Variants in NIPBL observed in about 807,000 individuals in gnomAD.
The protein encoded by NIPBL is nipped-B-like protein.
Under a neutral mutation model 321.8 loss-of-function variants are expected in NIPBL, and 19 were observed. The observed-to-expected ratio is 0.06, with a 90% CI of 0.04 to 0.09. NIPBL has a LOEUF of 0.09. NIPBL is among the 10% of genes least tolerant of loss of function. The pLI is 1.00. For synonymous variants in NIPBL, 1,106 were observed against 1,114.1 expected (o/e 0.99, Z 0.14); for missense variants, 2,210 against 3,327.0 (o/e 0.66, Z 8.26).
At chr5:37,000,020 A>G (rs1157683993) in intron 11 of NIPBL, among the ~76,000 whole-genome samples, 1 of 152,160 alleles carries the variant, frequency 6.6e-6, no homozygotes, top group Non-Finnish European at 1.5e-5. Flanking sequence ...TCCTAAATAT[A>G]GTTTGTTTTA....
chr5:37,064,869 G>A lies in NIPBL; in HGVS notation c.8392G>A (p.Ala2798Thr), dbSNP rs1029099152. ...TCAGACTTTACGATCCCTGTATGCC[G>A]CCAAGGATGGGACTTCCAGCTAATG... ...VVQTLRSLYA[A>T]KDGTSS Residue 2798 changes from alanine (A) to threonine (T), a missense_variant, in exon 47 of 47, where the codon GCC becomes ACC. Around this residue, in one of 14 missense-constraint regions of NIPBL, gnomAD observed 159 missense variants for 319.2 expected, o/e 0.50. Transcript: ENST00000282516. 20 of 1,613,988 alleles carry A rather than the reference G, an allele frequency of 1.2e-5. No individual in the cohort carries two copies. Among genetic ancestry groups the A allele is most frequent in the African/African-American group, 9.3e-5 (7 of 74,908 alleles).
chr5:37,019,635 T>G (rs913832171), intron 25 of NIPBL, among the ~76,000 whole-genome samples: 1 of 152,204 alleles, frequency 6.6e-6, no homozygotes, highest in Non-Finnish European at 1.5e-5. Flanking sequence ...AAGAGAAATA[T>G]TTGGAAGTCT....
rs748215385 is a variant in NIPBL, at chr5:36,975,865, G to A, written c.958G>A (p.Glu320Lys). 6.2e-7 allele frequency: 1 copy of A among 1,611,928 alleles called. No individual in the cohort carries two copies. The highest frequency in any genetic ancestry group is 8.5e-7 in the Non-Finnish European group (1 of 1,179,362). ...ACCAGATATCTTGCTAGATTCTCCA[G>A]AAAGAAAACAAAAGAAGCAGAAGAA... The part of the protein sequence containing the change: ...VPPDILLDSP[E>K]RKQKKQKKMK... Residue 320 changes from glutamate (E) to lysine (K), a missense_variant, in exon 9 of 47, where the codon GAA (glutamate) becomes AAA (lysine). By Grantham distance (56) the Glu-to-Lys change is moderately conservative (BLOSUM62 1). Transcript: ENST00000282516.
intron 1 of NIPBL, among the ~76,000 whole-genome samples, chr5:36,923,716 TA>T (rs1216794668): frequency 6.6e-6 from 1 of 152,192 alleles, no homozygotes; most frequent in Non-Finnish European, 1.5e-5. Flanking sequence ...CTGTATTAGA[TA>T]CCAACTGATT....
intron 22 of NIPBL, among the ~76,000 whole-genome samples, chr5:37,015,696 A>G (rs1217293760): frequency 6.6e-6 from 1 of 152,082 alleles, no homozygotes; most frequent in African/African-American, 2.4e-5. Flanking sequence ...ATGCCACTGC[A>G]CTCCAGCCTG....
At chr5:36,960,794 A>G (rs1023641413) in intron 4 of NIPBL, among the ~76,000 whole-genome samples, 3 of 152,178 alleles carry the variant, frequency 2.0e-5, no homozygotes, top group African/African-American at 7.2e-5. Context: ...CTCCCATATA[A>G]TGAAATGTCA....
At chr5:36,926,405 G>A (rs1456789063) in intron 1 of NIPBL, among the ~76,000 whole-genome samples, 1 of 152,152 alleles carries the variant, frequency 6.6e-6, no homozygotes, top group Non-Finnish European at 1.5e-5. Flanking sequence ...GTTCCAGATG[G>A]CTTTACCCAT....
intron 31 of NIPBL, 39 bp from the exon 32 acceptor site, chr5:37,027,320 A>G (rs1750398456): frequency 5.5e-6 from 8 of 1,442,526 alleles, no homozygotes; most frequent in Non-Finnish European, 5.9e-6. Flanking sequence ...TCACATTTAT[A>G]AATATACTTC....
At chr5:37,034,002 CAATT>C (rs1354346080) in intron 32 of NIPBL, among the ~76,000 whole-genome samples, 1 of 151,744 alleles carries the variant, frequency 6.6e-6, no homozygotes, top group African/African-American at 2.4e-5. Flanking sequence ...ATATAACCAA[CAATT>C]AATACCGAGA....
intron 46 of NIPBL, 37 bp downstream of exon 46, chr5:37,064,015 A>C (rs780910304): frequency 1.2e-6 from 2 of 1,606,656 alleles, no homozygotes; most frequent in Admixed American, 3.4e-5. Flanking sequence ...TTCGCAGCGT[A>C]TTACGTAAAA....
At chr5:37,052,020 C>T in intron 41 of NIPBL, 134 bp downstream of exon 41, 2 of 737,678 alleles carry the variant, frequency 2.7e-6, no homozygotes, top group Middle Eastern at 3.9e-4. Context: ...AAACATGCAA[C>T]TAAGTTAGTC....
intron 25 of NIPBL, among the ~76,000 whole-genome samples, chr5:37,020,003 G>A (rs1246389357): frequency 2.0e-5 from 3 of 152,132 alleles, no homozygotes; most frequent in East Asian, 3.9e-4. Context: ...AGATTTACAG[G>A]TGTGTCTCAG....
chr5:37,008,977 T>C (rs952755985), intron 20 of NIPBL, among the ~76,000 whole-genome samples: 1 of 152,190 alleles, frequency 6.6e-6, no homozygotes, highest in African/African-American at 2.4e-5. Context: ...TTTTAGGCCA[T>C]ATAACACTTT....
At position 36,984,609 on chromosome 5, in the gene NIPBL, A is replaced by G. The variant is rs1292982122; in HGVS notation, c.1496-67A>G. The G allele has an allele frequency of 7.1e-6, 10 of 1,414,126 alleles. No individual in the cohort carries two copies. In the Admixed American group the frequency reaches 8.6e-5, roughly 12 times the overall value. 87.6% of individuals were successfully genotyped at this position (1,414,126 alleles called of 1,614,324 possible). On this transcript the variant is annotated intron_variant, in intron 9 of 46. Transcript: ENST00000282516. ...AACCTTAAAAAGATAAACAACGTCC[A>G]TAGGGTTTTTAATAAGATAAGAATA...
Position 37,019,331 on chromosome 5 carries a change from A to G in NIPBL, c.4941A>G (p.Glu1647=), listed in dbSNP as rs1489203615. 6.2e-7 allele frequency: 1 copy of G among 1,612,186 alleles called. No individual in the cohort carries two copies. The highest frequency in any genetic ancestry group is 8.5e-7 in the Non-Finnish European group (1 of 1,178,564). The change falls in exon 25 of 47, where the codon GAA becomes GAG. Residue 1647 remains glutamate (E), a synonymous_variant. Coordinates refer to ENST00000282516, the MANE Select transcript of NIPBL (RefSeq NM_133433.4). ...TATAGGTTTCAGGAGGGGAAGATGAAATCCAACAATTACAAAAAGCATTGC... is the reference window on the plus strand; with the variant it reads ...TATAGGTTTCAGGAGGGGAAGATGAGATCCAACAATTACAAAAAGCATTGC... ...ILKQVSGGED[E]IQQLQKALLD...
At chr5:36,883,605 G>T (rs150501) in intron 1 of NIPBL, among the ~76,000 whole-genome samples, 4,681 of 151,924 alleles carry the variant, frequency 0.031, 232 homozygotes, top group African/African-American at 0.11. Context: ...CTTTATGATT[G>T]ATATTTATGA....
intron 1 of NIPBL, among the ~76,000 whole-genome samples, chr5:36,952,671 GATAA>G (rs774243086): frequency 8.5e-5 from 13 of 152,150 alleles, no homozygotes; most frequent in Non-Finnish European, 1.6e-4. Flanking sequence ...ATTCCATCAT[GATAA>G]ATACTGAACA....
chr5:36,988,079 T>C (rs1369253305), intron 10 of NIPBL, among the ~76,000 whole-genome samples: 1 of 152,194 alleles, frequency 6.6e-6, no homozygotes, highest in East Asian at 1.9e-4. Flanking sequence ...AGCCTTGCTT[T>C]CTAAACTCTG....
intron 1 of NIPBL, among the ~76,000 whole-genome samples, chr5:36,939,177 A>AT (rs897918696): frequency 6.6e-6 from 1 of 152,056 alleles, no homozygotes; most frequent in African/African-American, 2.4e-5. Context: ...TAATTTTTGT[A>AT]TTTTTTGTAG....
Sources: allele counts gnomAD v4.1 joint callset (sites outside exome capture counted in the v4.1 genomes callset), GRCh38; gene constraint gnomAD v4.1.1; regional missense constraint gnomAD v4.1.1; transcripts MANE v1.5; gene names NCBI Gene and HGNC (gene_info 2026-07-23, HGNC 2026-07-21).